The following EYA4 variants were observed in gnomAD, a reference collection of about 807,000 sequenced individuals.
EYA4 encodes protein phosphatase EYA4.
In EYA4, 31 loss-of-function variants were observed where a neutral mutation model predicts 87.9. The observed-to-expected ratio is 0.35, with a 90% CI of 0.27 to 0.48. EYA4 has a LOEUF of 0.48. Among genes scored for constraint, EYA4 ranks in the 20% least tolerant of loss-of-function variants. The pLI is 0.99. For missense variants in EYA4, 678 were observed against 761.4 expected, an observed-to-expected ratio of 0.89 and a Z score of 1.29; for synonymous variants, 263 against 270.6, an observed-to-expected ratio of 0.97 and a Z score of 0.28.
intron 2 of EYA4, among the ~76,000 whole-genome samples, chr6:133,337,127 T>C (rs1229622316): frequency 2.0e-5 from 3 of 152,174 alleles, no homozygotes; most frequent in African/African-American, 7.2e-5. Flanking sequence ...GAGTCTCAGT[T>C]TGTGGATACC....
intron 3 of EYA4, among the ~76,000 whole-genome samples, chr6:133,426,693 T>C (rs1198431808): frequency 2.0e-5 from 3 of 152,202 alleles, no homozygotes; most frequent in African/African-American, 4.8e-5. Context: ...AACCCATTCT[T>C]CCCACTTGCC....
chr6:133,383,375 A>G (rs921586750), intron 3 of EYA4, among the ~76,000 whole-genome samples: 1 of 152,074 alleles, frequency 6.6e-6, no homozygotes, highest in East Asian at 1.9e-4. Context: ...TTAGCCAGGC[A>G]TGATGGATGG....
intron 16 of EYA4, among the ~76,000 whole-genome samples, chr6:133,513,930 A>G (rs1305543380): frequency 6.6e-6 from 1 of 152,200 alleles, no homozygotes; most frequent in Non-Finnish European, 1.5e-5. Context: ...ATCATAGAAT[A>G]CAATATAGTA....
intron 3 of EYA4, among the ~76,000 whole-genome samples, chr6:133,421,834 TA>T (rs1790246741): frequency 6.6e-6 from 1 of 152,308 alleles, no homozygotes; most frequent in Admixed American, 6.5e-5. Flanking sequence ...TGTTTATAGA[TA>T]GGATTGTGAA....
intron 1 of EYA4, among the ~76,000 whole-genome samples, chr6:133,256,652 T>G (rs1775362627): frequency 6.6e-6 from 1 of 152,122 alleles, no homozygotes; most frequent in South Asian, 2.1e-4. Context: ...TGTTACTTAT[T>G]ATAATCTGTT....
rs536980871 is a variant in EYA4, at chr6:133,413,440, T to G, written c.83+30999T>G. ...TTAACCCAGTGATTTTTTTTTTTTT[T>G]TTGGGCCTTTACTTTCTTAACCTCT... is the stretch of plus-strand genomic sequence containing the variant. On this transcript the variant is annotated intron_variant, in intron 3 of 19. Coordinates refer to ENST00000355286, the MANE Select transcript of EYA4 (RefSeq NM_004100.5). Among the ~76,000 whole-genome samples, 575 of 152,142 alleles carry G rather than the reference T, an allele frequency of 3.8e-3. 3 individuals are homozygous for G. Among genetic ancestry groups the G allele is most frequent in the African/African-American group, 0.013 (531 of 41,520 alleles).
intron 3 of EYA4, among the ~76,000 whole-genome samples, chr6:133,413,024 A>G (rs935294691): frequency 6.6e-6 from 1 of 152,206 alleles, no homozygotes; most frequent in Non-Finnish European, 1.5e-5. Context: ...GTACAGAATT[A>G]TGGTTGGGGG....
chr6:133,460,848 A>G (rs138240260), intron 6 of EYA4, among the ~76,000 whole-genome samples: 99 of 152,238 alleles, frequency 6.5e-4, no homozygotes, highest in African/African-American at 2.3e-3. Context: ...TAGCATATTA[A>G]TATATAAGAG....
intron 11 of EYA4, among the ~76,000 whole-genome samples, chr6:133,470,584 G>T: frequency 2.4e-5 from 1 of 41,742 alleles, no homozygotes. Context: ...GCTCTTTTTT[G>T]GTTCCATATG....
At chr6:133,477,090 A>G (rs930146692) in intron 11 of EYA4, among the ~76,000 whole-genome samples, 2 of 151,916 alleles carry the variant, frequency 1.3e-5, no homozygotes, top group Non-Finnish European at 1.5e-5. Context: ...CCCTTCTGCC[A>G]TGATTGTAAG....
At chr6:133,264,387 A>T (rs1053109108) in intron 1 of EYA4, among the ~76,000 whole-genome samples, 6 of 152,220 alleles carry the variant, frequency 3.9e-5, no homozygotes, top group African/African-American at 9.6e-5. Flanking sequence ...GACTGCATTC[A>T]GATCTATATT....
At chr6:133,411,048 A>G (rs886151572) in intron 3 of EYA4, among the ~76,000 whole-genome samples, 2 of 147,976 alleles carry the variant, frequency 1.4e-5, no homozygotes, top group African/African-American at 5.0e-5. Context: ...AGAGGGGGCT[A>G]TGTGCTTGAA....
chr6:133,461,445 C>A (rs935114314), intron 7 of EYA4, among the ~76,000 whole-genome samples: 10 of 152,084 alleles, frequency 6.6e-5, no homozygotes, highest in Admixed American at 1.3e-4. Context: ...AAAGAGATTA[C>A]ATTTTATCTA....
intron 2 of EYA4, among the ~76,000 whole-genome samples, chr6:133,291,776 G>C (rs17301249): frequency 0.15 from 22,797 of 152,086 alleles, 1,754 homozygotes; most frequent in Non-Finnish European, 0.17. Context: ...CTCACTCTCT[G>C]TAGGACTGAC....
chr6:133,302,174 T>C (rs1446604126), intron 2 of EYA4, among the ~76,000 whole-genome samples: 1 of 152,234 alleles, frequency 6.6e-6, no homozygotes, highest in Non-Finnish European at 1.5e-5. Context: ...ATTAAAAGAA[T>C]GTAAGCAATA....
chr6:133,404,868 G>C (rs1788568786), intron 3 of EYA4, among the ~76,000 whole-genome samples: 1 of 152,178 alleles, frequency 6.6e-6, no homozygotes, highest in Non-Finnish European at 1.5e-5. Flanking sequence ...AGGAGAGAGA[G>C]AAATGGGAAA....
At chr6:133,248,425 A>G (rs1774596366) in intron 1 of EYA4, 1 of 152,226 alleles carries the variant, frequency 6.6e-6, no homozygotes, top group Admixed American at 6.5e-5. Flanking sequence ...TGTACCACAT[A>G]CCGGGAGGGC....
In EYA4 at chr6:133,491,951, C is replaced by CAAAAAAAAAAA. The variant is rs34316449; in HGVS notation, c.1191+8846_1191+8856dup. ...TGGGGGACAGAGTGAAACTCCGTCT[C>CAAAAAAAAAAA]AAAAAAAAAAAAAAAAAAAAGAGGA... is the stretch of plus-strand genomic sequence containing the variant. On this transcript the variant is annotated intron_variant, in intron 13 of 19. Transcript: ENST00000355286. Among the ~76,000 whole-genome samples, 141 of 83,688 alleles carry CAAAAAAAAAAA rather than the reference C, an allele frequency of 1.7e-3. 3 individuals are homozygous for CAAAAAAAAAAA. Among genetic ancestry groups the CAAAAAAAAAAA allele is most frequent in the African/African-American group, 6.1e-3 (130 of 21,258 alleles). 54.9% of individuals were successfully genotyped at this position (83,688 alleles called of 152,430 possible).
chr6:133,506,121 G>A lies in EYA4; in HGVS notation c.1207G>A (p.Val403Ile). 6.2e-7 allele frequency: 1 copy of A among 1,607,036 alleles called. No homozygotes were observed. Among genetic ancestry groups the A allele is most frequent in the South Asian group, 1.1e-5 (1 of 90,946 alleles). The change falls in exon 14 of 20, where the codon GTA (valine) becomes ATA (isoleucine). Residue 403 changes from valine (V) to isoleucine (I), a missense_variant. By Grantham distance (29) the Val-to-Ile change is conservative. Coordinates refer to ENST00000355286, the MANE Select transcript of EYA4 (RefSeq NM_004100.5). Reference sequence around the variant, plus strand: ...TTCTTTACAGGATCCCCCCATGGCTGTAACCCTTGGACTCCGCATGGAAGA... The same window carrying A: ...TTCTTTACAGGATCCCCCCATGGCTATAACCCTTGGACTCCGCATGGAAGA... ...QKYGKDPPMA[V>I]TLGLRMEEMI...
Sources: gnomAD v4.1 joint callset for allele counts (sites outside exome capture counted in the v4.1 genomes callset) on GRCh38, gnomAD v4.1.1 for gene constraint, MANE v1.5 for transcripts, NCBI Gene and HGNC (gene_info 2026-07-23, HGNC 2026-07-21) for gene names.